The following ANKRD17 variants were observed in gnomAD, a reference collection of about 807,000 sequenced individuals.
ANKRD17 encodes the protein ankyrin repeat domain-containing protein 17.
A neutral mutation model predicts 229.7 loss-of-function variants in ANKRD17; 19 were observed. The ratio of observed to expected loss-of-function variants is 0.08; its 90% CI spans 0.06 to 0.12. ANKRD17 has a LOEUF of 0.12. Among genes scored for constraint, ANKRD17 ranks in the 10% least tolerant of loss-of-function variants. The pLI, the probability that ANKRD17 is intolerant of heterozygous loss-of-function variation, is 1.00. For synonymous variants in ANKRD17, 1,112 were observed against 1,146.1 expected, an observed-to-expected ratio of 0.97 and a Z score of 0.60; for missense variants, 2,176 against 3,176.8, an observed-to-expected ratio of 0.68 and a Z score of 7.57.
intron 27 of ANKRD17, among the ~76,000 whole-genome samples, chr4:73,096,708 A>G (rs1723339744): frequency 1.3e-5 from 2 of 152,192 alleles, no homozygotes; most frequent in African/African-American, 2.4e-5. Context: ...GCAAAACAAA[A>G]TATTTTTATC....
At chr4:73,161,612 T>C (rs562447100) in intron 2 of ANKRD17, among the ~76,000 whole-genome samples, 3 of 152,336 alleles carry the variant, frequency 2.0e-5, no homozygotes, top group East Asian at 1.9e-4. Flanking sequence ...ATGGGACAAT[T>C]AGACTCTGTC....
intron 27 of ANKRD17, among the ~76,000 whole-genome samples, chr4:73,096,814 A>C (rs1380653021): frequency 1.3e-5 from 2 of 152,212 alleles, no homozygotes; most frequent in Admixed American, 6.5e-5. Context: ...AATTCATCAA[A>C]TGTTTACAAG....
intron 29 of ANKRD17, among the ~76,000 whole-genome samples, chr4:73,086,482 A>G (rs908279461): frequency 5.9e-5 from 9 of 152,188 alleles, no homozygotes; most frequent in African/African-American, 2.2e-4. Flanking sequence ...TTCATTAAAA[A>G]AGTATTACAA....
Position 73,258,781 on chromosome 4 carries a change from G to A in ANKRD17, c.-113C>T. On this transcript the variant is annotated 5_prime_UTR_variant, in exon 1 of 34. Transcript: ENST00000358602. ...AATCGGTGCCGCCTCCGCCGCCACC[G>A]CCTCGGTCACCTCTACTGCCGCCGC... 4 of 1,285,206 alleles carry A rather than the reference G, an allele frequency of 3.1e-6. No homozygotes were observed. Among genetic ancestry groups the A allele is most frequent in the Non-Finnish European group, 3.9e-6 (4 of 1,018,612 alleles). 79.6% of individuals were successfully genotyped at this position (1,285,206 alleles called of 1,614,324 possible). A position where few individuals can be genotyped will look rare whatever the true frequency, so the allele number is the denominator to read the frequency against.
In ANKRD17 at chr4:73,085,377, G is replaced by A; in HGVS notation, c.7031C>T (p.Ser2344Leu). The change falls in exon 30 of 34, where the codon TCA becomes TTA. Residue 2344 changes from serine (S) to leucine (L), a missense_variant. Physicochemically the swap from Ser to Leu is moderately radical, Grantham distance 145 (BLOSUM62 -2). Coordinates refer to ENST00000358602, the MANE Select transcript of ANKRD17 (RefSeq NM_032217.5). ...PSSTHLGNFASNISGGQMYGP... is the reference protein window; with the variant it reads ...PSSTHLGNFALNISGGQMYGP... ...GTACATCTGACCTCCTGAAATGTTTGAAGCAAAGTTTCCCAAATGTGTTGA... is the reference window on the plus strand; with the variant it reads ...GTACATCTGACCTCCTGAAATGTTTAAAGCAAAGTTTCCCAAATGTGTTGA... 1.2e-6 allele frequency: 2 copies of A among 1,614,100 alleles called. No individual in the cohort carries two copies. Among genetic ancestry groups the A allele is most frequent in the Non-Finnish European group, 1.7e-6 (2 of 1,180,016 alleles).
intron 21 of ANKRD17, among the ~76,000 whole-genome samples, chr4:73,119,140 A>G (rs1327027295): frequency 6.6e-6 from 1 of 151,748 alleles, no homozygotes; most frequent in Non-Finnish European, 1.5e-5. Context: ...TCCTGCCTCA[A>G]CCTCTCAAAG....
intron 1 of ANKRD17, among the ~76,000 whole-genome samples, chr4:73,213,929 T>C (rs1350783237): frequency 2.0e-5 from 3 of 152,166 alleles, no homozygotes; most frequent in Admixed American, 6.5e-5. Flanking sequence ...AGACACTTTA[T>C]AGCCTTCAAA....
intron 30 of ANKRD17, among the ~76,000 whole-genome samples, chr4:73,081,169 T>C (rs2110098856): frequency 6.6e-6 from 1 of 152,344 alleles, no homozygotes; most frequent in South Asian, 2.1e-4. Flanking sequence ...CTTGAACATA[T>C]GAGCTGAGCC....
At chr4:73,145,809 C>A (rs1484282895) in intron 10 of ANKRD17, among the ~76,000 whole-genome samples, 1 of 152,008 alleles carries the variant, frequency 6.6e-6, no homozygotes, top group Non-Finnish European at 1.5e-5. Flanking sequence ...TAAGTGGCCC[C>A]AGCAATAATC....
At chr4:73,123,535 A>C (rs927957912) in intron 18 of ANKRD17, among the ~76,000 whole-genome samples, 1 of 152,188 alleles carries the variant, frequency 6.6e-6, no homozygotes, top group South Asian at 2.1e-4. Context: ...CATTCATATA[A>C]TATCTATTCC....
At chr4:73,206,422 A>AAGCGAGAGAG (rs1480843501) in intron 1 of ANKRD17, among the ~76,000 whole-genome samples, 79 of 144,772 alleles carry the variant, frequency 5.5e-4, no homozygotes, top group African/African-American at 1.9e-3. Flanking sequence ...GAGAGAAAGA[A>AAGCGAGAGAG]AGTGAGAGAG....
chr4:73,155,141 A>T (rs1387852621), intron 5 of ANKRD17, among the ~76,000 whole-genome samples: 1 of 152,100 alleles, frequency 6.6e-6, no homozygotes, highest in African/African-American at 2.4e-5. Context: ...AAATCTATCT[A>T]GGCCCAAATT....
chr4:73,192,949 T>C (rs1321057179), intron 1 of ANKRD17, among the ~76,000 whole-genome samples: 1 of 152,198 alleles, frequency 6.6e-6, no homozygotes, highest in African/African-American at 2.4e-5. Flanking sequence ...AAAATCAGGT[T>C]TATTGAAGTA....
intron 2 of ANKRD17, among the ~76,000 whole-genome samples, chr4:73,174,093 A>AGAAGGAAG (rs71217453): frequency 0.07 from 7,823 of 111,212 alleles, 541 homozygotes; most frequent in African/African-American, 0.14. Flanking sequence ...AAGGGAGGGG[A>AGAAGGAAG]GAAGGAAGGA....
chr4:73,086,635 G>A (rs1458533134), intron 29 of ANKRD17, among the ~76,000 whole-genome samples: 8 of 150,860 alleles, frequency 5.3e-5, no homozygotes, highest in African/African-American at 1.9e-4. Flanking sequence ...TGCTCAGGGT[G>A]GAATGCAGTG....
At chr4:73,080,740 C>G (rs1022218098) in intron 30 of ANKRD17, 2 of 152,226 alleles carry the variant, frequency 1.3e-5, no homozygotes, top group African/African-American at 2.4e-5. Context: ...TGTGTTCACT[C>G]TGGTTTCCCT....
At chr4:73,147,519 T>C in intron 8 of ANKRD17, 87 bp from the exon 9 acceptor site, 3 of 1,116,120 alleles carry the variant, frequency 2.7e-6, no homozygotes, top group Non-Finnish European at 3.6e-6. Context: ...ATAAACTGAA[T>C]CTTTAAAATG....
intron 1 of ANKRD17, among the ~76,000 whole-genome samples, chr4:73,231,770 C>A (rs1743070626): frequency 1.3e-5 from 2 of 152,126 alleles, no homozygotes; most frequent in East Asian, 3.9e-4. Flanking sequence ...GATTTTCAGC[C>A]CCAACTCCCA....
At chr4:73,257,580 T>C (rs1165587636) in intron 1 of ANKRD17, among the ~76,000 whole-genome samples, 1 of 152,236 alleles carries the variant, frequency 6.6e-6, no homozygotes, top group African/African-American at 2.4e-5. Flanking sequence ...TTTCATCCAC[T>C]TACAAATGTA....
Sources: gnomAD v4.1 joint callset for allele counts (sites outside exome capture counted in the v4.1 genomes callset) on GRCh38, gnomAD v4.1.1 for gene constraint, MANE v1.5 for transcripts, NCBI Gene and HGNC (gene_info 2026-07-23, HGNC 2026-07-21) for gene names.